Variants in ADAM2 observed in about 807,000 individuals in gnomAD.
ADAM2 encodes disintegrin and metalloproteinase domain-containing protein 2.
Under a neutral mutation model 99.3 loss-of-function variants are expected in ADAM2, and 101 were observed. The observed-to-expected ratio is 1.02, with a 90% CI of 0.87 to 1.20. The LOEUF (loss-of-function observed/expected upper bound fraction) is 1.20. ADAM2 is among the 50% of genes most tolerant of loss of function. The pLI is 0.00. For synonymous variants in ADAM2, 323 were observed against 287.6 expected (o/e 1.12, Z -1.25); for missense variants, 948 against 878.7 (o/e 1.08, Z -1.00).
At chr8:39,757,590 A>G (rs1022185581) in intron 15 of ADAM2, among the ~76,000 whole-genome samples, 8 of 152,170 alleles carry the variant, frequency 5.3e-5, no homozygotes, top group African/African-American at 1.9e-4. Context: ...TACTGAACTA[A>G]TTAAGCTTGT....
chr8:39,801,029 A>G (rs1488703812), intron 7 of ADAM2, among the ~76,000 whole-genome samples: 1 of 152,076 alleles, frequency 6.6e-6, no homozygotes, highest in Non-Finnish European at 1.5e-5. Flanking sequence ...ACTCCATATG[A>G]TCCTCTGTGC....
chr8:39,749,711 A>G lies in ADAM2; in HGVS notation c.1831T>C (p.Tyr611His). 1.9e-6 allele frequency: 3 copies of G among 1,612,582 alleles called. No individual in the cohort carries two copies. The highest frequency in any genetic ancestry group is 2.5e-6 in the Non-Finnish European group (3 of 1,178,982). Residue 611 changes from tyrosine (Y) to histidine (H), a missense_variant, in exon 17 of 21, where the codon TAC (tyrosine) becomes CAC (histidine). By Grantham distance (83) the Tyr-to-His change is moderately conservative. Transcript: ENST00000265708. ...TCAGTAGTACAATCATAACCCAAGT[A>G]TGAAGAACTCACACATCTTTGATTC... is the stretch of plus-strand genomic sequence containing the variant. The part of the protein sequence containing the change: ...CRNQRCVSSS[Y>H]LGYDCTTDKC...
At chr8:39,781,848 A>G (rs1336524651) in intron 10 of ADAM2, among the ~76,000 whole-genome samples, 1 of 152,186 alleles carries the variant, frequency 6.6e-6, no homozygotes, top group Non-Finnish European at 1.5e-5. Context: ...CATTATGACA[A>G]CGTGGTGTTG....
At chr8:39,817,373 G>T (rs920558211) in intron 6 of ADAM2, among the ~76,000 whole-genome samples, 6 of 151,736 alleles carry the variant, frequency 4.0e-5, no homozygotes, top group Non-Finnish European at 8.8e-5. Flanking sequence ...TTGGCTATTG[G>T]TTACAAAAGT....
chr8:39,763,938 C>A (rs1447130716), intron 14 of ADAM2, among the ~76,000 whole-genome samples: 1 of 152,212 alleles, frequency 6.6e-6, no homozygotes, highest in African/African-American at 2.4e-5. Flanking sequence ...CTATGTGAAA[C>A]AGAATAGCTC....
chr8:39,799,979 A>T (rs993184669), intron 7 of ADAM2, among the ~76,000 whole-genome samples: 1 of 152,154 alleles, frequency 6.6e-6, no homozygotes, highest in African/African-American at 2.4e-5. Flanking sequence ...CTCCTTATCC[A>T]ATTTGCCAGC....
At chr8:39,781,021 T>G (rs1803205174) in intron 10 of ADAM2, among the ~76,000 whole-genome samples, 1 of 151,898 alleles carries the variant, frequency 6.6e-6, no homozygotes, top group South Asian at 2.1e-4. Context: ...TCTTTTTTTT[T>G]TTTTTGAGAT....
chr8:39,835,201 C>A (rs1805771642), intron 2 of ADAM2, among the ~76,000 whole-genome samples: 1 of 152,120 alleles, frequency 6.6e-6, no homozygotes, highest in Non-Finnish European at 1.5e-5. Flanking sequence ...ACCTCTTCTT[C>A]TTTTCTCCCC....
At chr8:39,773,587 T>C (rs777907283) in intron 11 of ADAM2, among the ~76,000 whole-genome samples, 6 of 151,780 alleles carry the variant, frequency 4.0e-5, no homozygotes, top group Non-Finnish European at 5.9e-5. Context: ...AATTATCCCA[T>C]TGACTTTTAG....
At chr8:39,825,324 T>C (rs1324536729) in intron 3 of ADAM2, among the ~76,000 whole-genome samples, 1 of 152,218 alleles carries the variant, frequency 6.6e-6, no homozygotes, top group African/African-American at 2.4e-5. Context: ...AAATTTGCTC[T>C]ATAGTTTTTG....
chr8:39,750,270 T>C (rs1823676782), intron 16 of ADAM2, among the ~76,000 whole-genome samples: 1 of 152,070 alleles, frequency 6.6e-6, no homozygotes, highest in Non-Finnish European at 1.5e-5. Context: ...CATTCAGTCA[T>C]TCATTAAATA....
chr8:39,814,155 C>T (rs973069042), intron 6 of ADAM2, among the ~76,000 whole-genome samples: 6 of 151,788 alleles, frequency 4.0e-5, no homozygotes, highest in East Asian at 1.9e-4. Flanking sequence ...GCCAAGAGTT[C>T]GAGACCAGCC....
At chr8:39,786,283 C>T (rs1432039784) in intron 10 of ADAM2, among the ~76,000 whole-genome samples, 2 of 152,008 alleles carry the variant, frequency 1.3e-5, no homozygotes, top group Non-Finnish European at 2.9e-5. Context: ...ATATGTATGC[C>T]CTAAATCTAA....
intron 7 of ADAM2, 134 bp from the exon 8 acceptor site, chr8:39,788,874 T>C (rs1803585871): frequency 8.6e-6 from 4 of 467,052 alleles, no homozygotes; most frequent in East Asian, 3.6e-5. Context: ...TTTTAGACAT[T>C]ATTTTCTTAT....
At position 39,756,366 on chromosome 8, in the gene ADAM2, C is replaced by T. The variant is rs58048436; in HGVS notation, c.1614-455G>A. Among the ~76,000 whole-genome samples, 857 of 152,292 alleles carry T rather than the reference C, an allele frequency of 5.6e-3. 6 individuals are homozygous for T. Among genetic ancestry groups the T allele is most frequent in the African/African-American group, 0.02 (814 of 41,570 alleles). On this transcript the variant is annotated intron_variant, in intron 15 of 20. Transcript: ENST00000265708. ...CAAAAATAACCATTAATTAATACTA[C>T]AGGGTTATCACTATATATATCACAT...
chr8:39,752,258 A>G (rs927959367), intron 16 of ADAM2, among the ~76,000 whole-genome samples: 1 of 151,968 alleles, frequency 6.6e-6, no homozygotes, highest in African/African-American at 2.4e-5. Context: ...CAAACTTTCA[A>G]TAAATAGTCT....
At chr8:39,833,289 G>A (rs1805690209) in intron 3 of ADAM2, among the ~76,000 whole-genome samples, 3 of 152,016 alleles carry the variant, frequency 2.0e-5, no homozygotes, top group Admixed American at 1.3e-4. Context: ...TATAAAAAGA[G>A]TGCAGCTATG....
intron 11 of ADAM2, among the ~76,000 whole-genome samples, chr8:39,776,099 G>A (rs549047966): frequency 5.3e-5 from 8 of 152,150 alleles, no homozygotes; most frequent in Admixed American, 2.6e-4. Context: ...AAGACAAGCC[G>A]TCTTGCACCA....
intron 4 of ADAM2, among the ~76,000 whole-genome samples, chr8:39,822,882 C>T (rs1342699551): frequency 6.6e-6 from 1 of 152,130 alleles, no homozygotes; most frequent in East Asian, 1.9e-4. Flanking sequence ...GATTCTCCTG[C>T]CTCAGCCTCC....
Sources: gnomAD v4.1 joint callset for allele counts (sites outside exome capture counted in the v4.1 genomes callset) on GRCh38, gnomAD v4.1.1 for gene constraint, MANE v1.5 for transcripts, NCBI Gene and HGNC (gene_info 2026-07-23, HGNC 2026-07-21) for gene names.